ROR1: variants seen among roughly 807,000 people sequenced by gnomAD.
ROR1 encodes the protein inactive tyrosine-protein kinase transmembrane receptor ROR1.
In ROR1, 19 loss-of-function variants were observed where a neutral mutation model predicts 78.8. The observed-to-expected ratio is 0.24, with a 90% CI of 0.17 to 0.35. ROR1 has a LOEUF of 0.35. ROR1 is among the 10% of genes least tolerant of loss of function. The pLI, the probability that ROR1 is intolerant of heterozygous loss-of-function variation, is 1.00. For missense variants in ROR1, 917 were observed against 1,177.8 expected, an observed-to-expected ratio of 0.78 and a Z score of 3.24; for synonymous variants, 386 against 433.6, an observed-to-expected ratio of 0.89 and a Z score of 1.36.
At chr1:64,106,003 A>G (rs931751837) in intron 4 of ROR1, 5 of 152,046 alleles carry the variant, frequency 3.3e-5, no homozygotes, top group Admixed American at 6.6e-5. Flanking sequence ...AAGAACGTCA[A>G]TGGTAGCTTG....
intron 2 of ROR1, among the ~76,000 whole-genome samples, chr1:64,033,382 G>T (rs1202446185): frequency 6.6e-6 from 1 of 152,140 alleles, no homozygotes; most frequent in Non-Finnish European, 1.5e-5. Flanking sequence ...GTAAACTGAG[G>T]CTCAGAGTTA....
chr1:63,928,967 G>C (rs1645730269), intron 1 of ROR1, among the ~76,000 whole-genome samples: 1 of 152,156 alleles, frequency 6.6e-6, no homozygotes. Context: ...AAGTCAGAGG[G>C]AGAGGTTTGG....
chr1:63,871,159 C>T (rs1006390221), intron 1 of ROR1, among the ~76,000 whole-genome samples: 6 of 152,178 alleles, frequency 3.9e-5, no homozygotes, highest in African/African-American at 1.4e-4. Flanking sequence ...GCTTTCCAGA[C>T]TGATGTCTCC....
rs562807740 is a variant in ROR1, at chr1:64,106,092, G to A, written c.483-31277G>A. 2.0e-5 allele frequency: 3 copies of A among 151,794 alleles called. No homozygotes were observed. The East Asian group carries it at 5.9e-4, about 30-fold the overall frequency. The allele number at this position is 151,794 out of a possible 1,614,324, so 9.4% of individuals were successfully genotyped here. A position where few individuals can be genotyped will look rare whatever the true frequency, so the allele number is the denominator to read the frequency against. On this transcript the variant is annotated intron_variant, in intron 4 of 8. Coordinates refer to ENST00000371079, the MANE Select transcript of ROR1 (RefSeq NM_005012.4). ...GATATTGATTCTTCCTATCCATGAG[G>A]ATGGAATGTTTTTCCATTTGTTTGT...
intron 7 of ROR1, among the ~76,000 whole-genome samples, chr1:64,154,744 C>A (rs1273384847): frequency 6.6e-6 from 1 of 152,122 alleles, no homozygotes; most frequent in Admixed American, 6.5e-5. Flanking sequence ...TGGTTGGTTT[C>A]AAAAATCTCA....
chr1:63,973,954 G>T (rs1646138146), intron 1 of ROR1, among the ~76,000 whole-genome samples: 1 of 152,034 alleles, frequency 6.6e-6, no homozygotes, highest in South Asian at 2.1e-4. Flanking sequence ...TTTTAAAAAA[G>T]ATTTCAAAGT....
At chr1:63,997,059 AG>A (rs1466942172) in intron 1 of ROR1, among the ~76,000 whole-genome samples, 1 of 76,028 alleles carries the variant, frequency 1.3e-5, no homozygotes, top group African/African-American at 2.6e-5. Flanking sequence ...TATTACTGTA[AG>A]GTGCTTGGAA....
At chr1:63,794,256 A>G (rs527783855) in intron 1 of ROR1, among the ~76,000 whole-genome samples, 2 of 152,248 alleles carry the variant, frequency 1.3e-5, no homozygotes, top group South Asian at 2.1e-4. Flanking sequence ...AATCATATCT[A>G]CCTCATTACC....
At chr1:63,866,376 A>G (rs1486589555) in intron 1 of ROR1, among the ~76,000 whole-genome samples, 1 of 152,208 alleles carries the variant, frequency 6.6e-6, no homozygotes, top group Non-Finnish European at 1.5e-5. Flanking sequence ...AAATATGGGC[A>G]AGGCAAATGT....
At chr1:64,125,600 TG>T (rs1240019109) in intron 4 of ROR1, among the ~76,000 whole-genome samples, 3 of 152,150 alleles carry the variant, frequency 2.0e-5, no homozygotes, top group African/African-American at 7.2e-5. Flanking sequence ...TTTTCATTTC[TG>T]GTTAATCAGT....
intron 1 of ROR1, among the ~76,000 whole-genome samples, chr1:63,983,316 A>C (rs1420417004): frequency 6.6e-6 from 1 of 152,194 alleles, no homozygotes; most frequent in African/African-American, 2.4e-5. Flanking sequence ...CAAGTTGCCA[A>C]AGCCTGGCAG....
intron 1 of ROR1, among the ~76,000 whole-genome samples, chr1:63,998,584 T>C (rs146833458): frequency 9.2e-5 from 14 of 152,278 alleles, no homozygotes; most frequent in African/African-American, 2.2e-4. Context: ...TAGTACCATG[T>C]TGAATGGACA....
At chr1:64,084,038 C>T (rs539345689) in intron 4 of ROR1, among the ~76,000 whole-genome samples, 1 of 152,306 alleles carries the variant, frequency 6.6e-6, no homozygotes, top group Admixed American at 6.5e-5. Context: ...TCTCTTACAT[C>T]TTGAATTTTC....
intron 1 of ROR1, among the ~76,000 whole-genome samples, chr1:63,997,368 A>G (rs1364574682): frequency 6.6e-6 from 1 of 152,232 alleles, no homozygotes. Context: ...GTGGTCAACC[A>G]ATTAAGAGAA....
At chr1:64,007,743 A>G (rs1458751745) in intron 1 of ROR1, among the ~76,000 whole-genome samples, 3 of 152,202 alleles carry the variant, frequency 2.0e-5, no homozygotes, top group Admixed American at 2.0e-4. Flanking sequence ...GAATTTCTCT[A>G]TTCACAGAAA....
chr1:64,131,641 G>T (rs1002808460), intron 4 of ROR1, among the ~76,000 whole-genome samples: 2 of 152,098 alleles, frequency 1.3e-5, no homozygotes, highest in East Asian at 1.9e-4. Context: ...TAAAGAGATG[G>T]TCTTGCTCTG....
chr1:63,886,737 G>A (rs926097733), intron 1 of ROR1, among the ~76,000 whole-genome samples: 5 of 152,128 alleles, frequency 3.3e-5, no homozygotes, highest in Admixed American at 2.0e-4. Context: ...CTTCCATAGC[G>A]GCTTTTATTT....
intron 1 of ROR1, among the ~76,000 whole-genome samples, chr1:63,888,951 G>T (rs1285981858): frequency 6.6e-6 from 1 of 152,078 alleles, no homozygotes; most frequent in Admixed American, 6.6e-5. Context: ...TAGTTTCTAA[G>T]GGTCAAGAAT....
chr1:64,171,681 G>C (rs1230153394), intron 8 of ROR1, among the ~76,000 whole-genome samples: 1 of 152,178 alleles, frequency 6.6e-6, no homozygotes, highest in Non-Finnish European at 1.5e-5. Context: ...TATGGATCCT[G>C]TTTCAGCACC....
Sources: gnomAD v4.1 joint callset for allele counts (sites outside exome capture counted in the v4.1 genomes callset) on GRCh38, gnomAD v4.1.1 for gene constraint, MANE v1.5 for transcripts, NCBI Gene and HGNC (gene_info 2026-07-23, HGNC 2026-07-21) for gene names.